PTPRD: variants seen among roughly 807,000 people sequenced by gnomAD.
The protein encoded by PTPRD is protein tyrosine phosphatase receptor type D, also known as receptor-type tyrosine-protein phosphatase delta.
PTPRD carries 34 observed loss-of-function variants against 214.5 expected under a neutral mutation model. The ratio of observed to expected loss-of-function variants is 0.16; its 90% CI spans 0.12 to 0.21. The LOEUF (loss-of-function observed/expected upper bound fraction) is 0.21. PTPRD is among the 10% of genes least tolerant of loss of function. The pLI is 1.00. For synonymous variants in PTPRD, 1,128 were observed against 845.7 expected, an observed-to-expected ratio of 1.33 and a Z score of -5.79; for missense variants, 2,545 against 2,398.7, an observed-to-expected ratio of 1.06 and a Z score of -1.27.
At chr9:9,444,330 G>T (rs976801434) in intron 8 of PTPRD, among the ~76,000 whole-genome samples, 7 of 152,118 alleles carry the variant, frequency 4.6e-5, no homozygotes, top group African/African-American at 1.7e-4. Flanking sequence ...AATATGAAAA[G>T]ATTTGATATC....
chr9:10,204,330 C>A (rs994189046), intron 3 of PTPRD, among the ~76,000 whole-genome samples: 2 of 152,132 alleles, frequency 1.3e-5, no homozygotes, highest in Admixed American at 6.5e-5. Flanking sequence ...CTGTTCCACA[C>A]CATGACAGTT....
intron 11 of PTPRD, among the ~76,000 whole-genome samples, chr9:8,762,255 A>C: frequency 6.6e-6 from 1 of 152,194 alleles, no homozygotes; most frequent in African/African-American, 2.4e-5. Flanking sequence ...ATCAAGTTTG[A>C]ACATCAAAAC....
chr9:8,697,119 A>G (rs562310887), intron 12 of PTPRD, among the ~76,000 whole-genome samples: 96 of 152,310 alleles, frequency 6.3e-4, no homozygotes, highest in Non-Finnish European at 6.3e-4. Context: ...AAAACATAAG[A>G]GTCAGAAAAT....
intron 11 of PTPRD, among the ~76,000 whole-genome samples, chr9:8,790,769 A>G (rs1360412004): frequency 3.1e-5 from 2 of 63,642 alleles, no homozygotes; most frequent in African/African-American, 6.8e-5. Context: ...TAGGGAAAGG[A>G]AAAAAAAAAG....
At chr9:8,837,962 G>GC (rs1168728191) in intron 11 of PTPRD, among the ~76,000 whole-genome samples, 1 of 152,104 alleles carries the variant, frequency 6.6e-6, no homozygotes, top group Non-Finnish European at 1.5e-5. Flanking sequence ...ACATGAGTAA[G>GC]CCCCATGTTT....
intron 3 of PTPRD, among the ~76,000 whole-genome samples, chr9:10,241,367 G>A (rs1431970904): frequency 1.3e-5 from 2 of 151,792 alleles, no homozygotes; most frequent in Non-Finnish European, 2.9e-5. Context: ...CACAAGAAAC[G>A]AAAGAATGTG....
chr9:9,959,414 T>C (rs891469126), intron 4 of PTPRD, among the ~76,000 whole-genome samples: 1 of 152,206 alleles, frequency 6.6e-6, no homozygotes, highest in African/African-American at 2.4e-5. Context: ...TTACTGATAT[T>C]GTAATGGTGG....
At chr9:8,414,551 T>C (rs2093758062) in intron 35 of PTPRD, among the ~76,000 whole-genome samples, 1 of 151,782 alleles carries the variant, frequency 6.6e-6, no homozygotes, top group African/African-American at 2.4e-5. Flanking sequence ...ATGTTGGGAG[T>C]TATAGGGAGA....
At chr9:9,271,050 C>A (rs374794012) in intron 9 of PTPRD, among the ~76,000 whole-genome samples, 1 of 151,160 alleles carries the variant, frequency 6.6e-6, no homozygotes, top group African/African-American at 2.4e-5. Flanking sequence ...AGTGCTTATG[C>A]GGCTTCCAGG....
intron 2 of PTPRD, among the ~76,000 whole-genome samples, chr9:10,474,869 T>A (rs1042666142): frequency 1.3e-5 from 2 of 152,138 alleles, no homozygotes; most frequent in Non-Finnish European, 2.9e-5. Flanking sequence ...CTGAACAACC[T>A]GCTCCTGAAT....
chr9:9,234,392 C>T (rs1201808541), intron 9 of PTPRD, among the ~76,000 whole-genome samples: 1 of 152,118 alleles, frequency 6.6e-6, no homozygotes, highest in Admixed American at 6.6e-5. Flanking sequence ...CCTAGGCTTC[C>T]AGGTCTGTGG....
rs202240667 is a variant in PTPRD at position 8,582,568 on chromosome 9, G to GA, written c.352+50748dup. On this transcript the variant is annotated intron_variant, in intron 14 of 45. Transcript: ENST00000381196. ...TTATTGAGAACAATGATATAATAGG[G>GA]AAAAAAGGAAATTAACTGGCAATTT... is the stretch of plus-strand genomic sequence containing the variant. 3.6e-4 allele frequency among the ~76,000 whole-genome samples: 55 copies of GA among 152,022 alleles called. No homozygotes were observed. In the South Asian group the frequency reaches 0.011, roughly 29 times the overall value.
intron 2 of PTPRD, among the ~76,000 whole-genome samples, chr9:10,397,277 G>T (rs545064836): frequency 1.3e-5 from 2 of 152,132 alleles, no homozygotes; most frequent in African/African-American, 2.4e-5. Context: ...TTCCATAGCT[G>T]TATAATGGAC....
intron 2 of PTPRD, among the ~76,000 whole-genome samples, chr9:10,600,244 A>G (rs940210202): frequency 1.3e-5 from 2 of 151,708 alleles, no homozygotes; most frequent in Non-Finnish European, 3.0e-5. Flanking sequence ...AAACTTGGTC[A>G]TATGTTATAT....
In PTPRD at chr9:9,398,521, T is replaced by C. The variant is rs867863647; in HGVS notation, c.-236-1039A>G. 4.7e-4 allele frequency among the ~76,000 whole-genome samples: 72 copies of C among 152,114 alleles called. No individual in the cohort carries two copies. The Middle Eastern group carries it at 0.014, about 29-fold the overall frequency. On this transcript the variant is annotated intron_variant, in intron 8 of 45. Coordinates refer to ENST00000381196, the MANE Select transcript of PTPRD (RefSeq NM_002839.4). ...ATCATTCTTTAAGTGAAAAGTGCAA[T>C]TTCCATTGCAGTTTCTGGAATAAAA...
At chr9:8,762,909 T>C (rs1599020665) in intron 11 of PTPRD, among the ~76,000 whole-genome samples, 1 of 152,088 alleles carries the variant, frequency 6.6e-6, no homozygotes, top group Non-Finnish European at 1.5e-5. Context: ...GGAACATGCA[T>C]CGCCTACTCA....
intron 8 of PTPRD, among the ~76,000 whole-genome samples, chr9:9,407,647 T>C (rs1336256375): frequency 1.3e-5 from 2 of 151,802 alleles, no homozygotes; most frequent in Non-Finnish European, 3.0e-5. Flanking sequence ...TGCCACTGTT[T>C]ATTCCCTCTG....
intron 11 of PTPRD, among the ~76,000 whole-genome samples, chr9:8,891,546 G>A (rs1228532628): frequency 6.6e-6 from 1 of 151,792 alleles, no homozygotes; most frequent in East Asian, 1.9e-4. Context: ...GCACAAGTTA[G>A]CAGCGTACAA....
intron 3 of PTPRD, among the ~76,000 whole-genome samples, chr9:10,306,616 G>C (rs567797252): frequency 5.3e-5 from 8 of 152,146 alleles, no homozygotes; most frequent in African/African-American, 1.9e-4. Flanking sequence ...CTCAATAAAA[G>C]TTAGTAATAA....
Sources: gnomAD v4.1 joint callset for allele counts (sites outside exome capture counted in the v4.1 genomes callset) on GRCh38, gnomAD v4.1.1 for gene constraint, MANE v1.5 for transcripts, NCBI Gene and HGNC (gene_info 2026-07-23, HGNC 2026-07-21) for gene names.